The following ST6GALNAC3 variants were observed in gnomAD, a reference collection of about 807,000 sequenced individuals.
ST6GALNAC3 encodes alpha-N-acetylgalactosaminide alpha-2,6-sialyltransferase 3.
ST6GALNAC3 carries 25 observed loss-of-function variants against 32.7 expected under a neutral mutation model. The observed-to-expected ratio is 0.76, with a 90% confidence interval of 0.56 to 1.07. ST6GALNAC3 has a LOEUF of 1.07. ST6GALNAC3 is among the 50% of genes least tolerant of loss of function. ST6GALNAC3 has a pLI of 0.00. For missense variants in ST6GALNAC3, 355 were observed against 382.4 expected, an observed-to-expected ratio of 0.93 and a Z score of 0.60; for synonymous variants, 129 against 133.1, an observed-to-expected ratio of 0.97 and a Z score of 0.21.
At chr1:76,155,124 A>T (rs1651313803) in intron 1 of ST6GALNAC3, among the ~76,000 whole-genome samples, 1 of 152,100 alleles carries the variant, frequency 6.6e-6, no homozygotes, top group Non-Finnish European at 1.5e-5. Flanking sequence ...AAGTCACTAT[A>T]AAGCTACGGG....
intron 1 of ST6GALNAC3, among the ~76,000 whole-genome samples, chr1:76,119,986 A>AC (rs1243625186): frequency 5.9e-5 from 9 of 152,202 alleles, no homozygotes; most frequent in Non-Finnish European, 1.2e-4. Flanking sequence ...ATTCCACTCT[A>AC]CCCGGAGTGC....
chr1:76,349,219 A>T (rs1570921624), intron 2 of ST6GALNAC3, among the ~76,000 whole-genome samples: 1 of 152,168 alleles, frequency 6.6e-6, no homozygotes, highest in South Asian at 2.1e-4. Context: ...CACCTTGGCC[A>T]GGGGTAGAGT....
intron 3 of ST6GALNAC3, among the ~76,000 whole-genome samples, chr1:76,525,791 G>GTGTGTGTATATATATATA (rs1438917629): frequency 2.6e-5 from 2 of 75,578 alleles, no homozygotes; most frequent in Admixed American, 1.7e-4. Flanking sequence ...GTGTGTGTGT[G>GTGTGTGTATATATATATA]TATATATATA....
intron 3 of ST6GALNAC3, among the ~76,000 whole-genome samples, chr1:76,513,256 A>C (rs1035515946): frequency 6.6e-6 from 1 of 152,138 alleles, no homozygotes; most frequent in Non-Finnish European, 1.5e-5. Context: ...TAGTAGTTTC[A>C]TAGTTATAGA....
intron 1 of ST6GALNAC3, among the ~76,000 whole-genome samples, chr1:76,284,210 T>A (rs1024802565): frequency 6.6e-6 from 1 of 152,188 alleles, no homozygotes; most frequent in Admixed American, 6.5e-5. Flanking sequence ...AAATGTATGT[T>A]GATAACACAG....
chr1:76,216,643 G>A (rs914135837), intron 1 of ST6GALNAC3, among the ~76,000 whole-genome samples: 27 of 152,168 alleles, frequency 1.8e-4, no homozygotes, highest in African/African-American at 6.5e-4. Flanking sequence ...AACAGGAACA[G>A]CATCTTCTAA....
chr1:76,076,842 A>T (rs1646822957), intron 1 of ST6GALNAC3, among the ~76,000 whole-genome samples: 1 of 152,186 alleles, frequency 6.6e-6, no homozygotes, highest in African/African-American at 2.4e-5. Flanking sequence ...AGTTTAAGAG[A>T]TTTGCCCAAG....
intron 1 of ST6GALNAC3, among the ~76,000 whole-genome samples, chr1:76,184,958 G>C (rs969589110): frequency 2.0e-5 from 3 of 152,208 alleles, no homozygotes; most frequent in Non-Finnish European, 2.9e-5. Context: ...AAGATCATGA[G>C]AGCAGCAGGT....
At position 76,632,360 on chromosome 1, in the gene ST6GALNAC3, T is replaced by C. The variant is rs1422822162; in HGVS notation, c.*3554T>C. ...TTGTCACAAATCAGACTTGTAAGTA[T>C]AGCAATCTGTATTGTAGGTTCTGCC... On this transcript the variant is annotated 3_prime_UTR_variant, in exon 5 of 5. Transcript: ENST00000328299. 1 of 152,154 alleles carries C rather than the reference T, an allele frequency of 6.6e-6. No individual in the cohort carries two copies. Among genetic ancestry groups the C allele is most frequent in the African/African-American group, 2.4e-5 (1 of 41,428 alleles). 9.4% of individuals were successfully genotyped at this position (152,154 alleles called of 1,614,324 possible).
At chr1:76,550,907 A>G (rs944566311) in intron 3 of ST6GALNAC3, among the ~76,000 whole-genome samples, 27 of 152,074 alleles carry the variant, frequency 1.8e-4, no homozygotes, top group African/African-American at 6.3e-4. Flanking sequence ...AGCACCTGCC[A>G]CCACACCCAG....
chr1:76,293,554 G>A (rs576838929), intron 1 of ST6GALNAC3, among the ~76,000 whole-genome samples: 9 of 152,258 alleles, frequency 5.9e-5, no homozygotes, highest in Admixed American at 2.6e-4. Flanking sequence ...TTAGAACTAA[G>A]GTCCAAGTGA....
chr1:76,345,053 T>G (rs898324367), intron 2 of ST6GALNAC3, among the ~76,000 whole-genome samples: 9 of 152,156 alleles, frequency 5.9e-5, no homozygotes, highest in African/African-American at 1.9e-4. Flanking sequence ...GACATCTGAT[T>G]AATCTGTAAC....
chr1:76,594,843 C>T (rs934489877), intron 3 of ST6GALNAC3, among the ~76,000 whole-genome samples: 1 of 152,182 alleles, frequency 6.6e-6, no homozygotes, highest in South Asian at 2.1e-4. Flanking sequence ...CACCATTCCT[C>T]ATCTGTCTAC....
At chr1:76,544,079 T>TTATATA (rs3086266) in intron 3 of ST6GALNAC3, among the ~76,000 whole-genome samples, 22 of 145,514 alleles carry the variant, frequency 1.5e-4, no homozygotes, top group African/African-American at 5.5e-4. Context: ...TTAATTACAT[T>TTATATA]TATATATATA....
intron 3 of ST6GALNAC3, among the ~76,000 whole-genome samples, chr1:76,478,566 C>G (rs1659500767): frequency 6.6e-6 from 1 of 152,034 alleles, no homozygotes; most frequent in African/African-American, 2.4e-5. Context: ...CATAGAGGCC[C>G]AGTATTTCTA....
At chr1:76,244,431 C>A (rs116529133) in intron 1 of ST6GALNAC3, among the ~76,000 whole-genome samples, 7,524 of 152,164 alleles carry the variant, frequency 0.049, 217 homozygotes, top group Non-Finnish European at 0.063. Flanking sequence ...TATTTGAATA[C>A]ACTTTATTTC....
At position 76,260,024 on chromosome 1, in the gene ST6GALNAC3, C is replaced by T. The variant is rs149745306; in HGVS notation, c.19-53781C>T. 1.6e-3 allele frequency among the ~76,000 whole-genome samples: 248 copies of T among 152,102 alleles called. 1 individual carries two copies. The highest frequency in any genetic ancestry group is 6.0e-3 in the African/African-American group (247 of 41,502). ...TTTCTTTTTCTTTTTCTGACTGAAG[C>T]ATGGAATAACTGGCTGGTGTTCATT... On this transcript the variant is annotated intron_variant, in intron 1 of 4. Coordinates refer to ENST00000328299, the MANE Select transcript of ST6GALNAC3 (RefSeq NM_152996.4).
intron 2 of ST6GALNAC3, among the ~76,000 whole-genome samples, chr1:76,353,026 C>T (rs569889023): frequency 1.3e-4 from 20 of 151,026 alleles, no homozygotes; most frequent in Admixed American, 9.9e-4. Flanking sequence ...CATCTTCCAG[C>T]CCTCACCCTC....
intron 3 of ST6GALNAC3, among the ~76,000 whole-genome samples, chr1:76,519,495 T>A (rs966780829): frequency 2.0e-5 from 3 of 152,162 alleles, no homozygotes; most frequent in Non-Finnish European, 4.4e-5. Flanking sequence ...ATGTGAGTAG[T>A]AGACTGACGA....
Sources: allele counts gnomAD v4.1 joint callset (sites outside exome capture counted in the v4.1 genomes callset), GRCh38; gene constraint gnomAD v4.1.1; transcripts MANE v1.5; gene names NCBI Gene and HGNC (gene_info 2026-07-23, HGNC 2026-07-21).